MBNL3: variants seen among roughly 807,000 people sequenced by gnomAD.
MBNL3 encodes the protein muscleblind-like protein 3.
MBNL3 carries 6 observed loss-of-function variants against 24.5 expected under a neutral mutation model. The observed-to-expected ratio is 0.25, with a 90% CI of 0.13 to 0.48. The LOEUF is 0.48. Ranked by LOEUF, MBNL3 falls within the 20% of genes least tolerant of loss-of-function variation. MBNL3 has a pLI of 0.99. For synonymous variants in MBNL3, 100 were observed against 101.7 expected (o/e 0.98, Z 0.10); for missense variants, 230 against 293.5 (o/e 0.78, Z 1.58).
At chrX:132,451,527 C>A (rs1336153493) in intron 1 of MBNL3, among the ~76,000 whole-genome samples, 1 of 111,782 alleles carries the variant, frequency 8.9e-6, no homozygotes, top group Non-Finnish European at 1.9e-5. Flanking sequence ...CCTCACAAAG[C>A]TGGAGCATCC....
intron 3 of MBNL3, among the ~76,000 whole-genome samples, chrX:132,399,490 G>A (rs1223258999): frequency 1.8e-5 from 2 of 110,148 alleles, no homozygotes; most frequent in African/African-American, 3.3e-5. Context: ...ATTACAAAGT[G>A]TATAAAAAGT....
chrX:132,485,094 G>C (rs1401393818), intron 1 of MBNL3, among the ~76,000 whole-genome samples: 1 of 111,517 alleles, frequency 9.0e-6, no homozygotes, highest in East Asian at 2.8e-4. Flanking sequence ...CTGAGCCTCA[G>C]AGTGACATCA....
chrX:132,439,862 G>T lies in MBNL3; in HGVS notation c.-251C>A, dbSNP rs1945311145. 9.0e-6 allele frequency among the ~76,000 whole-genome samples: 1 copy of T among 111,511 alleles called. No homozygotes were observed. The highest frequency in any genetic ancestry group is 3.7e-4 in the South Asian group (1 of 2,669). On this transcript the variant is annotated 5_prime_UTR_variant, in exon 2 of 9. Coordinates refer to ENST00000370853, the MANE Select transcript of MBNL3 (RefSeq NM_001386889.1). ...CAACTCTTAAGAAGCCAACTGTTAA[G>T]ATAATGAATGCTTTATTTTGTTCCT...
At chrX:132,390,468 G>C (rs1436650957) in intron 5 of MBNL3, among the ~76,000 whole-genome samples, 2 of 109,794 alleles carry the variant, frequency 1.8e-5, no homozygotes, top group Non-Finnish European at 3.8e-5. Context: ...AAGGATGTTA[G>C]TAGCAAAGGG....
At chrX:132,438,141 G>A (rs1945215479) in intron 2 of MBNL3, among the ~76,000 whole-genome samples, 1 of 111,802 alleles carries the variant, frequency 8.9e-6, no homozygotes, top group Non-Finnish European at 1.9e-5. Context: ...ATAGCTGAAT[G>A]TACACAACTT....
At chrX:132,489,762 GC>G (rs1948199718), upstream of MBNL3, 2 of 107,979 alleles carry the variant, frequency 1.9e-5, no homozygotes, top group South Asian at 3.7e-4. Flanking sequence ...GCACGCGGCC[GC>G]CCGGCCCCGC....
intron 2 of MBNL3, among the ~76,000 whole-genome samples, chrX:132,437,552 T>C (rs1475916834): frequency 8.9e-6 from 1 of 111,945 alleles, no homozygotes; most frequent in Non-Finnish European, 1.9e-5. Context: ...CTGTTACAGA[T>C]GAAGTTACTC....
intron 2 of MBNL3, among the ~76,000 whole-genome samples, chrX:132,412,345 G>A (rs887941684): frequency 2.7e-5 from 3 of 111,170 alleles, no homozygotes; most frequent in South Asian, 3.8e-4. Flanking sequence ...CATTTCCAGG[G>A]TCAGTTTAGA....
chrX:132,371,837 T>C lies in MBNL3; in HGVS notation c.*7829A>G, dbSNP rs1378761806. ...ATAATTCAAAATACTGATGGTATAT[T>C]TGGAAATAAATTTACTCTATGTATG... On this transcript the variant is annotated 3_prime_UTR_variant, in exon 9 of 9. Transcript: ENST00000370853. 1 of 111,453 alleles carries C rather than the reference T, an allele frequency of 9.0e-6. No homozygotes were observed. Among genetic ancestry groups the C allele is most frequent in the African/African-American group, 3.3e-5 (1 of 30,734 alleles). 9.2% of individuals were successfully genotyped at this position (111,453 alleles called of 1,213,427 possible).
chrX:132,430,552 G>A (rs1037992757), intron 2 of MBNL3: 2 of 111,529 alleles, frequency 1.8e-5, no homozygotes, highest in African/African-American at 6.5e-5. Context: ...ATGAGTACTG[G>A]TCATTTATTC....
chrX:132,430,536 C>T (rs1944648303), intron 2 of MBNL3: 2 of 111,846 alleles, frequency 1.8e-5, no homozygotes, highest in South Asian at 7.5e-4. Flanking sequence ...GACCATGACA[C>T]TTTGGATGAG....
intron 2 of MBNL3, among the ~76,000 whole-genome samples, chrX:132,419,667 T>C (rs1463320248): frequency 9.0e-6 from 1 of 111,641 alleles, no homozygotes; most frequent in Admixed American, 9.5e-5. Flanking sequence ...AAAGTAGATA[T>C]ATTTTGAGAT....
chrX:132,424,638 A>G (rs1045429253), intron 2 of MBNL3, among the ~76,000 whole-genome samples: 18 of 111,596 alleles, frequency 1.6e-4, no homozygotes, highest in African/African-American at 5.5e-4. Flanking sequence ...ATGTTACTCT[A>G]TTCATTACAC....
At position 132,376,109 on chromosome X, in the gene MBNL3, T is replaced by G. The variant is rs1330999994; in HGVS notation, c.*3557A>C. 5 of 111,174 alleles carry G rather than the reference T, an allele frequency of 4.5e-5. No individual in the cohort carries two copies. Among genetic ancestry groups the G allele is most frequent in the African/African-American group, 1.6e-4 (5 of 30,637 alleles). 9.2% of individuals were successfully genotyped at this position (111,174 alleles called of 1,213,427 possible). ...CGGTGAGCTGAGGCCCTCCCATTAG[T>G]GAACACCACCTAGTGGTATAGGACA... On this transcript the variant is annotated 3_prime_UTR_variant, in exon 9 of 9. Transcript: ENST00000370853.
In MBNL3 at chrX:132,378,585, G is replaced by C. The variant is rs1934362385; in HGVS notation, c.*1081C>G. ...GGTTTTACACACTTTCCTCCAGTAC[G>C]TAAAAACTATCTCCATGCCCCCATC... On this transcript the variant is annotated 3_prime_UTR_variant, in exon 9 of 9. Transcript: ENST00000370853. 1 of 111,734 alleles carries C rather than the reference G, an allele frequency of 8.9e-6. No homozygotes were observed. The highest frequency in any genetic ancestry group is 9.5e-5 in the Admixed American group (1 of 10,504). 9.2% of individuals were successfully genotyped at this position (111,734 alleles called of 1,213,427 possible).
At chrX:132,404,786 C>T (rs541812796) in intron 3 of MBNL3, among the ~76,000 whole-genome samples, 1 of 112,192 alleles carries the variant, frequency 8.9e-6, no homozygotes, top group African/African-American at 3.2e-5. Flanking sequence ...ATAGGCTTTA[C>T]TGACAGCTGA....
At chrX:132,424,585 G>T (rs888048605) in intron 2 of MBNL3, among the ~76,000 whole-genome samples, 13 of 111,811 alleles carry the variant, frequency 1.2e-4, no homozygotes, top group African/African-American at 4.2e-4. Context: ...TCTCTTGGGG[G>T]TGGAGGAATC....
chrX:132,428,772 C>G (rs1443131545), intron 2 of MBNL3, among the ~76,000 whole-genome samples: 2 of 111,648 alleles, frequency 1.8e-5, no homozygotes, highest in Non-Finnish European at 3.8e-5. Flanking sequence ...TGTCATGTTC[C>G]TAGAAGAACT....
intron 2 of MBNL3, among the ~76,000 whole-genome samples, chrX:132,429,193 G>C (rs1944542399): frequency 8.9e-6 from 1 of 112,634 alleles, no homozygotes; most frequent in African/African-American, 3.2e-5. Flanking sequence ...CCAAATTATT[G>C]TATAAAATAC....
Sources: gnomAD v4.1 joint callset for allele counts (sites outside exome capture counted in the v4.1 genomes callset) on GRCh38, gnomAD v4.1.1 for gene constraint, MANE v1.5 for transcripts, NCBI Gene and HGNC (gene_info 2026-07-23, HGNC 2026-07-21) for gene names.